Variants in RAB7B observed in about 807,000 individuals in gnomAD.
RAB7B encodes the protein RAB7B, member RAS oncogene family.
chr1:205,979,408 A>T (rs1409493109), intron 5 of RAB7B, among the ~76,000 whole-genome samples: 2 of 151,984 alleles, frequency 1.3e-5, no homozygotes, highest in Admixed American at 6.6e-5. Context: ...AGCCCTCCCT[A>T]AAATGGACTC....
At chr1:205,988,575 G>A (rs1660659090) in intron 4 of RAB7B, among the ~76,000 whole-genome samples, 1 of 152,144 alleles carries the variant, frequency 6.6e-6, no homozygotes, top group African/African-American at 2.4e-5. Flanking sequence ...TTATTAGGTA[G>A]GAGAAGCTGC....
intron 5 of RAB7B, among the ~76,000 whole-genome samples, chr1:205,982,712 C>T (rs1032142897): frequency 6.6e-6 from 1 of 152,114 alleles, no homozygotes; most frequent in Admixed American, 6.6e-5. Context: ...TCTTTCCACC[C>T]CAGCTGGGGG....
chr1:205,988,681 A>T (rs1405230536), intron 4 of RAB7B, among the ~76,000 whole-genome samples: 2 of 152,176 alleles, frequency 1.3e-5, no homozygotes, highest in Non-Finnish European at 2.9e-5. Context: ...TCCTATTATT[A>T]CTCAGTCTCA....
chr1:205,978,397 G>C lies in RAB7B; in HGVS notation c.*454C>G, dbSNP rs1034928829. ...CTCCTTAGTCTGCTCGTTGAAGGAG[G>C]CTGAGCTGTGCCATTGTCCAAAGCT... On this transcript the variant is annotated 3_prime_UTR_variant, in exon 6 of 6. Coordinates refer to ENST00000617070, the MANE Select transcript of RAB7B (RefSeq NM_001164522.3). 27 of 153,128 alleles carry C rather than the reference G, an allele frequency of 1.8e-4. No individual in the cohort carries two copies. Among genetic ancestry groups the C allele is most frequent in the South Asian group, 8.3e-4 (4 of 4,828 alleles). 9.5% of individuals were successfully genotyped at this position (153,128 alleles called of 1,614,324 possible).
At chr1:205,995,546 G>A (rs1163748621) in intron 1 of RAB7B, among the ~76,000 whole-genome samples, 2 of 152,064 alleles carry the variant, frequency 1.3e-5, no homozygotes, top group African/African-American at 4.8e-5. Context: ...GTACACAACG[G>A]ATACTGTTCA....
At chr1:205,999,649 T>C (rs928171419) in intron 1 of RAB7B, among the ~76,000 whole-genome samples, 6 of 152,346 alleles carry the variant, frequency 3.9e-5, no homozygotes, top group African/African-American at 7.2e-5. Context: ...CTCAAACACA[T>C]ATTTGTACAG....
At chr1:205,996,082 A>G (rs1660808197) in intron 1 of RAB7B, among the ~76,000 whole-genome samples, 1 of 131,364 alleles carries the variant, frequency 7.6e-6, no homozygotes, top group Non-Finnish European at 1.5e-5. Flanking sequence ...GCTTTTTAAT[A>G]CATTCTTTTT....
At chr1:205,990,686 G>A (rs1471150392) in intron 4 of RAB7B, among the ~76,000 whole-genome samples, 1 of 152,090 alleles carries the variant, frequency 6.6e-6, no homozygotes, top group Non-Finnish European at 1.5e-5. Context: ...ACAGCGAAAT[G>A]TTCCCAGTGG....
intron 4 of RAB7B, 31 bp from the exon 5 acceptor site, chr1:205,985,696 C>A: frequency 3.4e-6 from 1 of 293,668 alleles, no homozygotes; most frequent in South Asian, 1.4e-4. Flanking sequence ...GGCGTGGTGT[C>A]TGTATTATCA....
At chr1:206,002,837 A>G (rs1369259302) in intron 1 of RAB7B, among the ~76,000 whole-genome samples, 5 of 152,226 alleles carry the variant, frequency 3.3e-5, no homozygotes, top group African/African-American at 4.8e-5. Flanking sequence ...TGAGACCCTT[A>G]GGCCAACACA....
At chr1:205,991,510 C>T (rs1332240315) in intron 4 of RAB7B, among the ~76,000 whole-genome samples, 2 of 152,228 alleles carry the variant, frequency 1.3e-5, no homozygotes, top group African/African-American at 4.8e-5. Flanking sequence ...ACAAGCTCCT[C>T]AAACTCGCCA....
chr1:206,000,857 G>A (rs1468921272), intron 1 of RAB7B, among the ~76,000 whole-genome samples: 1 of 152,208 alleles, frequency 6.6e-6, no homozygotes, highest in Non-Finnish European at 1.5e-5. Flanking sequence ...TCCATGAAAG[G>A]TAGAGCCAGA....
intron 1 of RAB7B, among the ~76,000 whole-genome samples, chr1:205,998,041 G>C (rs1205415532): frequency 6.6e-6 from 1 of 152,188 alleles, no homozygotes; most frequent in Non-Finnish European, 1.5e-5. Context: ...GTAAATGGAA[G>C]AGCTAGTGTT....
chr1:205,993,959 G>A (rs1208306478), intron 2 of RAB7B, 124 bp downstream of exon 2: 2 of 397,164 alleles, frequency 5.0e-6, no homozygotes. Context: ...CTGGGGATGG[G>A]ATACAGTTGC....
intron 2 of RAB7B, 26 bp from the exon 3 acceptor site, chr1:205,993,572 A>G: frequency 2.5e-6 from 1 of 398,584 alleles, no homozygotes; most frequent in Non-Finnish European, 4.4e-6. Context: ...GACACATGTG[A>G]ACACACACAT....
At chr1:205,986,128 A>C (rs1660600149) in intron 4 of RAB7B, among the ~76,000 whole-genome samples, 1 of 152,220 alleles carries the variant, frequency 6.6e-6, no homozygotes, top group Non-Finnish European at 1.5e-5. Flanking sequence ...CCAGCCAGGA[A>C]TGGCAGGAAG....
At chr1:205,979,877 G>T (rs1660456903) in intron 5 of RAB7B, among the ~76,000 whole-genome samples, 1 of 152,174 alleles carries the variant, frequency 6.6e-6, no homozygotes, top group African/African-American at 2.4e-5. Flanking sequence ...AACTTCCAGG[G>T]ACAGGGGTGC....
At position 205,992,580 on chromosome 1, in the gene RAB7B, A is replaced by T. The variant is rs1660739661; in HGVS notation, c.296T>A (p.Leu99Gln). Residue 99 changes from leucine (L) to glutamine (Q), a missense_variant, in exon 4 of 6, where the codon CTG (leucine) becomes CAG (glutamine). By Grantham distance (113) the Leu-to-Gln change is moderately radical (BLOSUM62 -2). Coordinates refer to ENST00000617070, the MANE Select transcript of RAB7B (RefSeq NM_001164522.3). ...CAGGACATCACCCCGCCAGATATCCAGGGCTTCAAAAGACTCCAGGTCGGT... is the reference window on the plus strand; with the variant it reads ...CAGGACATCACCCCGCCAGATATCCTGGGCTTCAAAAGACTCCAGGTCGGT... ...DVTDLESFEA[L>Q]DIWRGDVLAK... is the part of the protein sequence containing the mutation. 2.5e-6 allele frequency: 1 copy of T among 398,642 alleles called. No individual in the cohort carries two copies. The highest frequency in any genetic ancestry group is 2.1e-5 in the African/African-American group (1 of 48,650). 24.7% of individuals were successfully genotyped at this position (398,642 alleles called of 1,614,324 possible).
At chr1:205,997,528 C>G (rs918750786) in intron 1 of RAB7B, among the ~76,000 whole-genome samples, 4 of 152,158 alleles carry the variant, frequency 2.6e-5, no homozygotes, top group African/African-American at 4.8e-5. Flanking sequence ...AAGATTAAGA[C>G]GGGCTGTAAA....
Sources: gnomAD v4.1 joint callset for allele counts (sites outside exome capture counted in the v4.1 genomes callset) on GRCh38, gnomAD v4.1.1 for gene constraint, MANE v1.5 for transcripts, NCBI Gene and HGNC (gene_info 2026-07-23, HGNC 2026-07-21) for gene names.